AP3S1: variants seen among roughly 807,000 people sequenced by gnomAD.
AP3S1 encodes AP-3 complex subunit sigma-1.
In AP3S1, 12 loss-of-function variants were observed where a neutral mutation model predicts 21.3. The ratio of observed to expected loss-of-function variants is 0.56; its 90% CI spans 0.36 to 0.91. AP3S1 has a LOEUF of 0.91. Ranked by LOEUF, AP3S1 falls within the 40% of genes least tolerant of loss-of-function variation. The pLI is 0.01. For missense variants in AP3S1, 116 were observed against 225.0 expected (o/e 0.52, Z 3.10); for synonymous variants, 48 against 78.4 (o/e 0.61, Z 2.05).
intron 4 of AP3S1, among the ~76,000 whole-genome samples, chr5:115,896,595 A>G (rs1750772322): frequency 6.6e-6 from 1 of 152,120 alleles, no homozygotes; most frequent in Non-Finnish European, 1.5e-5. Context: ...CCTGGGCAAC[A>G]TGGCAAAACC....
intron 3 of AP3S1, 51 bp from the exon 4 acceptor site, chr5:115,895,036 A>G (rs1192900602): frequency 1.6e-6 from 2 of 1,237,330 alleles, no homozygotes; most frequent in East Asian, 2.4e-5. Flanking sequence ...TATAGATAAT[A>G]GTTTTGAATA....
chr5:115,842,860 A>C (rs1023249188), intron 1 of AP3S1, among the ~76,000 whole-genome samples: 6 of 152,182 alleles, frequency 3.9e-5, no homozygotes, highest in Non-Finnish European at 7.3e-5. Context: ...GACTGATTGG[A>C]GCTGTGGTTC....
chr5:115,884,175 A>G (rs746384361), intron 3 of AP3S1, among the ~76,000 whole-genome samples: 1 of 152,192 alleles, frequency 6.6e-6, no homozygotes, highest in Non-Finnish European at 1.5e-5. Context: ...GAATTTATAT[A>G]TTTAATATGT....
intron 3 of AP3S1, among the ~76,000 whole-genome samples, chr5:115,885,274 C>T (rs936828246): frequency 4.6e-5 from 7 of 152,114 alleles, no homozygotes; most frequent in African/African-American, 1.7e-4. Flanking sequence ...CAAAGTCCTA[C>T]AATAGGCCGT....
chr5:115,862,605 A>G (rs931306976), intron 1 of AP3S1, among the ~76,000 whole-genome samples: 1 of 152,200 alleles, frequency 6.6e-6, no homozygotes, highest in African/African-American at 2.4e-5. Flanking sequence ...AATAATTCCA[A>G]CATTCTGTTG....
intron 3 of AP3S1, among the ~76,000 whole-genome samples, chr5:115,885,708 G>A (rs150326773): frequency 6.0e-4 from 92 of 152,210 alleles, no homozygotes; most frequent in African/African-American, 1.9e-3. Context: ...CTATCTAGGC[G>A]TCCTTCACTC....
At chr5:115,908,231 A>C (rs531942621) in intron 5 of AP3S1, among the ~76,000 whole-genome samples, 3 of 152,246 alleles carry the variant, frequency 2.0e-5, no homozygotes, top group Admixed American at 1.3e-4. Context: ...CATTCTCACC[A>C]TTGGTCAGAA....
intron 1 of AP3S1, among the ~76,000 whole-genome samples, chr5:115,843,798 G>T (rs145422013): frequency 6.6e-6 from 1 of 152,278 alleles, no homozygotes; most frequent in African/African-American, 2.4e-5. Flanking sequence ...ATTGAAAAAT[G>T]CATTTAATTT....
chr5:115,889,700 A>G (rs1302447934), intron 3 of AP3S1, among the ~76,000 whole-genome samples: 1 of 152,158 alleles, frequency 6.6e-6, no homozygotes, highest in Non-Finnish European at 1.5e-5. Context: ...ATACATCAAT[A>G]AGAAAATACA....
At chr5:115,869,975 G>C in intron 2 of AP3S1, 42 bp from the exon 3 acceptor site, 1 of 1,242,980 alleles carries the variant, frequency 8.0e-7, no homozygotes, top group Non-Finnish European at 1.1e-6. Context: ...AAAATGATTC[G>C]CATTTTGTTT....
At chr5:115,911,699 T>G (rs1752124148) in intron 5 of AP3S1, among the ~76,000 whole-genome samples, 1 of 151,974 alleles carries the variant, frequency 6.6e-6, no homozygotes, top group African/African-American at 2.4e-5. Context: ...GACCTTTAAC[T>G]TGAAACGATC....
chr5:115,908,022 G>T (rs925617474), intron 5 of AP3S1, among the ~76,000 whole-genome samples: 1 of 152,072 alleles, frequency 6.6e-6, no homozygotes, highest in Non-Finnish European at 1.5e-5. Flanking sequence ...GATGATTGTG[G>T]TGATATCACA....
chr5:115,904,370 A>G (rs1022743437), intron 5 of AP3S1, among the ~76,000 whole-genome samples: 12 of 152,354 alleles, frequency 7.9e-5, no homozygotes, highest in African/African-American at 2.6e-4. Flanking sequence ...TTCTGTGTCC[A>G]TTTTAATTGA....
At chr5:115,909,839 C>T (rs1036763763) in intron 5 of AP3S1, among the ~76,000 whole-genome samples, 2 of 152,096 alleles carry the variant, frequency 1.3e-5, no homozygotes, top group African/African-American at 4.8e-5. Context: ...GTGTATACTA[C>T]TGAACCTTAT....
At chr5:115,852,793 A>G (rs1405546224) in intron 1 of AP3S1, among the ~76,000 whole-genome samples, 1 of 152,134 alleles carries the variant, frequency 6.6e-6, no homozygotes, top group Non-Finnish European at 1.5e-5. Context: ...ATATATTAAT[A>G]TTTCATTACT....
intron 1 of AP3S1, among the ~76,000 whole-genome samples, chr5:115,845,408 T>G (rs903242049): frequency 2.0e-5 from 3 of 152,214 alleles, no homozygotes; most frequent in Non-Finnish European, 2.9e-5. Context: ...CAGTGCACAT[T>G]TCCATTTCAT....
At chr5:115,847,634 TA>T (rs1340446541) in intron 1 of AP3S1, among the ~76,000 whole-genome samples, 9 of 152,172 alleles carry the variant, frequency 5.9e-5, no homozygotes, top group Non-Finnish European at 7.4e-5. Context: ...TTTAAAAAAA[TA>T]TATGTTTTTA....
rs748442694 is a variant in AP3S1, at chr5:115,895,178, A to T, written c.345+20A>T. 8 of 1,526,062 alleles carry T rather than the reference A, an allele frequency of 5.2e-6. No individual in the cohort carries two copies. In the Admixed American group the frequency reaches 5.9e-5, roughly 11 times the overall value. The allele number at this position is 1,526,062 out of a possible 1,614,324, so 94.5% of individuals were successfully genotyped here. ...GACAAGGTACTATTTGTATTGTCACATCTAAGCTTTTTAAGAAAAACATTA... is the reference window on the plus strand; with the variant it reads ...GACAAGGTACTATTTGTATTGTCACTTCTAAGCTTTTTAAGAAAAACATTA... On this transcript the variant is annotated intron_variant, in intron 4 of 5. Transcript: ENST00000316788.
chr5:115,892,305 G>A (rs1750376458), intron 3 of AP3S1, among the ~76,000 whole-genome samples: 1 of 151,992 alleles, frequency 6.6e-6, no homozygotes, highest in African/African-American at 2.4e-5. Context: ...CTCACTGCTG[G>A]GTATATATTC....
Sources: allele counts gnomAD v4.1 joint callset (sites outside exome capture counted in the v4.1 genomes callset), GRCh38; gene constraint gnomAD v4.1.1; transcripts MANE v1.5; gene names NCBI Gene and HGNC (gene_info 2026-07-23, HGNC 2026-07-21).